The following GPC5 variants were observed in gnomAD, a reference collection of about 807,000 sequenced individuals.
The protein encoded by GPC5 is glypican-5.
GPC5 carries 47 observed loss-of-function variants against 53.9 expected under a neutral mutation model. That is an observed-to-expected ratio of 0.87 (90% confidence interval 0.69 to 1.11). The LOEUF (loss-of-function observed/expected upper bound fraction) is 1.11. Ranked by LOEUF, GPC5 falls within the 50% of genes most tolerant of loss-of-function variation. The pLI, the probability that GPC5 is intolerant of heterozygous loss-of-function variation, is 0.00. For missense variants in GPC5, 748 were observed against 713.1 expected (o/e 1.05, Z -0.56); for synonymous variants, 286 against 263.3 (o/e 1.09, Z -0.84).
intron 7 of GPC5, among the ~76,000 whole-genome samples, chr13:92,234,616 T>C (rs9560991): frequency 0.17 from 26,064 of 151,086 alleles, 2,659 homozygotes; most frequent in Admixed American, 0.23. Context: ...AGGAGATATA[T>C]GGCGGTGGTG....
intron 7 of GPC5, among the ~76,000 whole-genome samples, chr13:92,411,008 G>A (rs1361256455): frequency 6.6e-6 from 1 of 152,212 alleles, no homozygotes; most frequent in Non-Finnish European, 1.5e-5. Flanking sequence ...ACCAAGGCAG[G>A]TGGATCACTT....
intron 7 of GPC5, among the ~76,000 whole-genome samples, chr13:92,458,239 G>C (rs1426768374): frequency 7.5e-6 from 1 of 132,494 alleles, no homozygotes; most frequent in Non-Finnish European, 1.5e-5. Context: ...AATGTTCATT[G>C]TACTTATTTA....
chr13:91,956,061 C>T (rs1392318563), intron 6 of GPC5, among the ~76,000 whole-genome samples: 2 of 152,080 alleles, frequency 1.3e-5, no homozygotes, highest in Non-Finnish European at 2.9e-5. Flanking sequence ...CCAACCAGAA[C>T]ATTTCACCAG....
chr13:91,551,207 C>T (rs2030616659), intron 2 of GPC5, among the ~76,000 whole-genome samples: 1 of 151,916 alleles, frequency 6.6e-6, no homozygotes, highest in Non-Finnish European at 1.5e-5. Context: ...AAATAAGTAG[C>T]TATAAATTCA....
At chr13:91,793,073 T>G (rs2037993432) in intron 5 of GPC5, among the ~76,000 whole-genome samples, 1 of 152,182 alleles carries the variant, frequency 6.6e-6, no homozygotes, top group African/African-American at 2.4e-5. Context: ...ATTCTGCTGC[T>G]GAAGACATAC....
chr13:92,854,780 C>T (rs1878939589), intron 7 of GPC5, among the ~76,000 whole-genome samples: 1 of 151,952 alleles, frequency 6.6e-6, no homozygotes, highest in East Asian at 1.9e-4. Flanking sequence ...CTTATAAATT[C>T]AGGAAATTAT....
chr13:92,445,895 G>A (rs1052527318), intron 7 of GPC5, among the ~76,000 whole-genome samples: 7 of 152,026 alleles, frequency 4.6e-5, no homozygotes, highest in Non-Finnish European at 1.0e-4. Flanking sequence ...CTCCTGAGTA[G>A]CTGGGATTAT....
At chr13:91,794,539 G>T (rs2038018349) in intron 5 of GPC5, among the ~76,000 whole-genome samples, 2 of 152,310 alleles carry the variant, frequency 1.3e-5, no homozygotes, top group African/African-American at 2.4e-5. Flanking sequence ...TTTTCTTAAA[G>T]ATATTACATG....
At chr13:92,285,932 AC>A (rs965730763) in intron 7 of GPC5, among the ~76,000 whole-genome samples, 1 of 151,580 alleles carries the variant, frequency 6.6e-6, no homozygotes, top group Non-Finnish European at 1.5e-5. Context: ...GCAAAAAAAA[AC>A]CTACCATCAG....
At chr13:91,684,476 C>A (rs143543743) in intron 2 of GPC5, among the ~76,000 whole-genome samples, 1 of 152,140 alleles carries the variant, frequency 6.6e-6, no homozygotes, top group Non-Finnish European at 1.5e-5. Flanking sequence ...ATACTGAGGC[C>A]CAGTCTTCAG....
intron 7 of GPC5, among the ~76,000 whole-genome samples, chr13:92,293,645 G>A (rs1337565062): frequency 6.6e-6 from 1 of 151,970 alleles, no homozygotes; most frequent in East Asian, 1.9e-4. Flanking sequence ...AGCAAACAGC[G>A]ACACTTTGAC....
At chr13:92,073,196 T>C (rs1007418295) in intron 6 of GPC5, among the ~76,000 whole-genome samples, 18 of 152,228 alleles carry the variant, frequency 1.2e-4, no homozygotes, top group Admixed American at 5.2e-4. Flanking sequence ...CATAAGTACA[T>C]TATTTTTGAA....
chr13:91,735,794 T>A (rs921306128), intron 4 of GPC5, among the ~76,000 whole-genome samples: 13 of 151,244 alleles, frequency 8.6e-5, no homozygotes, highest in African/African-American at 3.2e-4. Context: ...TGCACTAGAG[T>A]CTACTACTTA....
At chr13:91,434,043 G>A (rs1213193562) in intron 1 of GPC5, among the ~76,000 whole-genome samples, 1 of 152,206 alleles carries the variant, frequency 6.6e-6, no homozygotes, top group African/African-American at 2.4e-5. Context: ...CTTTTTGATG[G>A]GGTTGCTTGT....
chr13:91,755,250 T>A (rs2037265019), intron 4 of GPC5, among the ~76,000 whole-genome samples: 2 of 152,136 alleles, frequency 1.3e-5, no homozygotes, highest in Admixed American at 6.5e-5. Flanking sequence ...ATCACCTGTC[T>A]TCTTTGATCT....
At chr13:92,706,486 A>G (rs535605609) in intron 7 of GPC5, among the ~76,000 whole-genome samples, 1 of 152,234 alleles carries the variant, frequency 6.6e-6, no homozygotes, top group South Asian at 2.1e-4. Context: ...AATGAAGGTG[A>G]AACAAAGCCT....
chr13:91,489,971 AG>A (rs1479599445), intron 2 of GPC5, among the ~76,000 whole-genome samples: 4 of 152,190 alleles, frequency 2.6e-5, no homozygotes, highest in Non-Finnish European at 5.9e-5. Context: ...AAAAAGGCGG[AG>A]GGGGGAGTGA....
rs76528661 is a variant in GPC5, at chr13:92,811,832, G to A, written c.1562-54450G>A. Among the ~76,000 whole-genome samples, 1,030 of 151,880 alleles carry A rather than the reference G, an allele frequency of 6.8e-3. 36 individuals are homozygous for A. Among genetic ancestry groups the A allele is most frequent in the African/African-American group, 0.024 (975 of 41,308 alleles). ...TCATACTTTTGAGTATGGAAATCTC[G>A]TTTCCCCAGCAATGTCTGTTGAAGA... On this transcript the variant is annotated intron_variant, in intron 7 of 7. Coordinates refer to ENST00000377067, the MANE Select transcript of GPC5 (RefSeq NM_004466.6).
At chr13:92,523,099 G>A (rs181905612) in intron 7 of GPC5, among the ~76,000 whole-genome samples, 90 of 152,244 alleles carry the variant, frequency 5.9e-4, no homozygotes, top group African/African-American at 1.9e-3. Context: ...TACAGTTAAC[G>A]TAATTAAAAC....
Sources: gnomAD v4.1 joint callset for allele counts (sites outside exome capture counted in the v4.1 genomes callset) on GRCh38, gnomAD v4.1.1 for gene constraint, MANE v1.5 for transcripts, NCBI Gene and HGNC (gene_info 2026-07-23, HGNC 2026-07-21) for gene names.